The following PHF24 variants were observed in gnomAD, a reference collection of about 807,000 sequenced individuals.
PHF24 encodes the protein PHD finger protein 24.
Under a neutral mutation model 42.6 loss-of-function variants are expected in PHF24, and 25 were observed. That is an observed-to-expected ratio of 0.59 (90% confidence interval 0.43 to 0.82). The LOEUF is 0.82. PHF24 is among the 40% of genes least tolerant of loss of function. The pLI is 0.00. For synonymous variants in PHF24, 185 were observed against 204.8 expected (o/e 0.90, Z 0.83); for missense variants, 470 against 538.1 (o/e 0.87, Z 1.25).
chr9:34,744,973 A>G, the PHF24 span, among the ~76,000 whole-genome samples: 1 of 152,218 alleles, frequency 6.6e-6, no homozygotes, highest in Non-Finnish European at 1.5e-5. Flanking sequence ...ACAGCTTGAC[A>G]GGAATATTTT....
the PHF24 span, among the ~76,000 whole-genome samples, chr9:34,699,755 G>A: frequency 6.6e-6 from 1 of 152,228 alleles, no homozygotes; most frequent in Non-Finnish European, 1.5e-5. Flanking sequence ...GGCCTCCTAT[G>A]TGCCAGACAC....
the PHF24 span, among the ~76,000 whole-genome samples, chr9:34,692,655 G>T: frequency 2.6e-5 from 4 of 152,130 alleles, no homozygotes; most frequent in Admixed American, 6.5e-5. Flanking sequence ...CTGTGTCTTA[G>T]TGTCCTTATT....
the PHF24 span, among the ~76,000 whole-genome samples, chr9:34,936,923 G>A: frequency 2.0e-5 from 3 of 150,576 alleles, no homozygotes; most frequent in Non-Finnish European, 3.0e-5. Flanking sequence ...CAGCCACCCC[G>A]TCTGGGAAGT....
the PHF24 span, among the ~76,000 whole-genome samples, chr9:34,807,507 C>T: frequency 6.6e-6 from 1 of 152,058 alleles, no homozygotes; most frequent in African/African-American, 2.4e-5. Flanking sequence ...ATTATAAAAT[C>T]CCAAAGGGTA....
the PHF24 span, chr9:34,726,991 A>G: frequency 6.5e-7 from 1 of 1,543,928 alleles, no homozygotes; most frequent in Middle Eastern, 1.7e-4. Flanking sequence ...AGCCCTGGCT[A>G]GGAAGGGAAA....
chr9:34,893,627 A>T, the PHF24 span, among the ~76,000 whole-genome samples: 1 of 151,660 alleles, frequency 6.6e-6, no homozygotes, highest in Admixed American at 6.6e-5. Flanking sequence ...AAAAGAAAAG[A>T]AAAAGAAAAA....
At chr9:34,673,754 T>C in the PHF24 span, among the ~76,000 whole-genome samples, 2 of 152,112 alleles carry the variant, frequency 1.3e-5, no homozygotes, top group Non-Finnish European at 2.9e-5. Flanking sequence ...CCAGAGTAGT[T>C]GGGACTACAG....
the PHF24 span, among the ~76,000 whole-genome samples, chr9:34,770,396 G>A: frequency 6.6e-6 from 1 of 152,158 alleles, no homozygotes; most frequent in Admixed American, 6.5e-5. Context: ...AGGAGCTACT[G>A]CAATCTCACA....
At chr9:34,938,289 T>C in the PHF24 span, among the ~76,000 whole-genome samples, 2 of 152,226 alleles carry the variant, frequency 1.3e-5, no homozygotes, top group East Asian at 3.9e-4. Context: ...CTCTGTTCCC[T>C]GAGTTTCTCC....
At position 34,976,962 on chromosome 9, in the gene PHF24, C is replaced by T. The variant is rs149253406; in HGVS notation, c.850-121C>T. 272 of 1,199,626 alleles carry T rather than the reference C, an allele frequency of 2.3e-4. No individual in the cohort carries two copies. In the African/African-American group the frequency reaches 3.9e-3, roughly 17 times the overall value. 74.3% of individuals were successfully genotyped at this position (1,199,626 alleles called of 1,614,324 possible). ...GCCGCACTGGAAGTGCTGATGCCTC[C>T]AGAAGGGCTCTGGGCAGCTTCTAAG... On this transcript the variant is annotated intron_variant, in intron 5 of 7. Transcript: ENST00000242315.
intron 1 of PHF24, among the ~76,000 whole-genome samples, chr9:34,961,817 A>G (rs902053101): frequency 1.3e-5 from 2 of 152,174 alleles, no homozygotes; most frequent in Non-Finnish European, 2.9e-5. Context: ...TTTAGATAGC[A>G]TGTTACAGTT....
At chr9:34,974,880 A>G (rs1827131502) in intron 3 of PHF24, among the ~76,000 whole-genome samples, 1 of 152,044 alleles carries the variant, frequency 6.6e-6, no homozygotes, top group African/African-American at 2.4e-5. Context: ...CCCAGTTACC[A>G]ATTCCAGTTC....
chr9:34,909,518 A>AT, the PHF24 span, among the ~76,000 whole-genome samples: 1 of 151,422 alleles, frequency 6.6e-6, no homozygotes, highest in Non-Finnish European at 1.5e-5. Flanking sequence ...GTCTGTCACA[A>AT]TTTTACCAGG....
At chr9:34,923,614 G>C in the PHF24 span, among the ~76,000 whole-genome samples, 3 of 152,092 alleles carry the variant, frequency 2.0e-5, no homozygotes, top group Non-Finnish European at 2.9e-5. Context: ...TATTGGCATA[G>C]AGTTGCTTAT....
At chr9:34,906,549 C>T in the PHF24 span, among the ~76,000 whole-genome samples, 1 of 149,546 alleles carries the variant, frequency 6.7e-6, no homozygotes, top group Non-Finnish European at 1.5e-5. Context: ...CCTCAGAATG[C>T]AGGTGAATCG....
chr9:34,906,119 G>C, the PHF24 span, among the ~76,000 whole-genome samples: 1 of 152,100 alleles, frequency 6.6e-6, no homozygotes, highest in African/African-American at 2.4e-5. Flanking sequence ...AAGTTGTTGA[G>C]GGTGTTGGGG....
chr9:34,690,462 G>GTGTGTGTGTT, the PHF24 span: 1 of 900,468 alleles, frequency 1.1e-6, no homozygotes, highest in South Asian at 1.6e-5. Context: ...GTGTGTGTGT[G>GTGTGTGTGTT]TGTGTGTCTG....
chr9:34,911,304 G>C, the PHF24 span, among the ~76,000 whole-genome samples: 29,816 of 151,826 alleles, frequency 0.2, 3,040 homozygotes, highest in South Asian at 0.25. Context: ...ACCCAGGCTA[G>C]AGTGCAGTGG....
the PHF24 span, among the ~76,000 whole-genome samples, chr9:34,950,334 A>G: frequency 6.8e-6 from 1 of 147,634 alleles, no homozygotes; most frequent in Non-Finnish European, 1.5e-5. Context: ...CCTGGGTGAC[A>G]GAGCGAGACT....
Sources: gnomAD v4.1 joint callset for allele counts (sites outside exome capture counted in the v4.1 genomes callset) on GRCh38, gnomAD v4.1.1 for gene constraint, MANE v1.5 for transcripts, NCBI Gene and HGNC (gene_info 2026-07-23, HGNC 2026-07-21) for gene names.